The following BST1 variants were observed in gnomAD, a reference collection of about 807,000 sequenced individuals.
The protein encoded by BST1 is ADP-ribosyl cyclase/cyclic ADP-ribose hydrolase 2.
BST1 carries 49 observed loss-of-function variants against 40.6 expected under a neutral mutation model. The observed-to-expected ratio is 1.21, with a 90% CI of 0.96 to 1.53. The LOEUF (loss-of-function observed/expected upper bound fraction) is 1.53, where lower values mean the gene tolerates loss of function less well. Ranked by LOEUF, BST1 falls within the 40% of genes most tolerant of loss-of-function variation. The pLI is 0.00. For synonymous variants in BST1, 157 were observed against 159.3 expected (o/e 0.99, Z 0.11); for missense variants, 423 against 395.9 (o/e 1.07, Z -0.58).
At chr4:15,769,085 A>G in the BST1 span, among the ~76,000 whole-genome samples, 1 of 152,158 alleles carries the variant, frequency 6.6e-6, no homozygotes, top group Non-Finnish European at 1.5e-5. Context: ...AAAAAAAAAA[A>G]CAAGAATTAT....
chr4:15,713,111 G>A (rs1008217780), intron 4 of BST1, among the ~76,000 whole-genome samples: 2 of 152,108 alleles, frequency 1.3e-5, no homozygotes, highest in Non-Finnish European at 2.9e-5. Flanking sequence ...GAAGCAAGAG[G>A]AGAGGTAGTG....
At chr4:15,715,230 AT>A in intron 4 of BST1, 54 bp from the exon 5 acceptor site, 3 of 1,512,810 alleles carry the variant, frequency 2.0e-6, no homozygotes, top group Non-Finnish European at 2.8e-6. Flanking sequence ...TGCACATTTC[AT>A]AGCAGAAAAA....
chr4:15,710,598 C>G (rs1056206904), intron 3 of BST1, among the ~76,000 whole-genome samples: 1 of 152,156 alleles, frequency 6.6e-6, no homozygotes, highest in African/African-American at 2.4e-5. Flanking sequence ...ATTCCCCTCT[C>G]CAGCCTCTGG....
intron 5 of BST1, 151 bp downstream of exon 5, chr4:15,715,512 A>G (rs1204732050): frequency 4.5e-6 from 4 of 884,318 alleles, no homozygotes; most frequent in Non-Finnish European, 7.0e-6. Context: ...TGACCTGGTG[A>G]TCAGAGCCAT....
chr4:15,742,402 G>C (rs918484518), downstream of BST1, among the ~76,000 whole-genome samples: 3 of 152,172 alleles, frequency 2.0e-5, no homozygotes, highest in African/African-American at 7.2e-5. Context: ...ACTGCCATGT[G>C]ATCTCTTTGC....
Position 15,732,058 on chromosome 4 carries a change from A to C in BST1, c.*213A>C. The C allele has an allele frequency of 1.6e-6, 2 of 1,261,258 alleles. No individual in the cohort carries two copies. Among genetic ancestry groups the C allele is most frequent in the Non-Finnish European group, 1.0e-6 (1 of 1,003,530 alleles). The allele number at this position is 1,261,258 out of a possible 1,614,324, so 78.1% of individuals were successfully genotyped here. A position where few individuals can be genotyped will look rare whatever the true frequency, so the allele number is the denominator to read the frequency against. ...TTAGCAGGTTAAAAAATGCTGCATT[A>C]GAATTAAAGCAAGTTATTTTCTTAT... On this transcript the variant is annotated 3_prime_UTR_variant, in exon 9 of 9. Transcript: ENST00000265016.
At chr4:15,768,646 A>C in the BST1 span, among the ~76,000 whole-genome samples, 2 of 151,764 alleles carry the variant, frequency 1.3e-5, no homozygotes, top group Non-Finnish European at 2.9e-5. Context: ...GGCGCCCGCC[A>C]CCGCGCCCGG....
chr4:15,703,870 G>A (rs1353619106), intron 1 of BST1, among the ~76,000 whole-genome samples: 1 of 140,146 alleles, frequency 7.1e-6, no homozygotes, highest in Non-Finnish European at 1.5e-5. Context: ...GTGTGCATGT[G>A]TGTTCTAGAG....
chr4:15,754,572 A>G, the BST1 span, among the ~76,000 whole-genome samples: 1 of 152,224 alleles, frequency 6.6e-6, no homozygotes. Context: ...TAAAGAATCA[A>G]CGTCAGATGT....
the BST1 span, among the ~76,000 whole-genome samples, chr4:15,748,428 C>T: frequency 6.6e-6 from 1 of 152,152 alleles, no homozygotes. Flanking sequence ...GAGAAAGCGA[C>T]TCCTGCCAAC....
At chr4:15,751,794 TATAA>T in the BST1 span, among the ~76,000 whole-genome samples, 1 of 152,104 alleles carries the variant, frequency 6.6e-6, no homozygotes, top group Admixed American at 6.5e-5. Context: ...GTATAGTGTA[TATAA>T]ATATACACTG....
At chr4:15,741,903 G>T (rs1338372031), downstream of BST1, among the ~76,000 whole-genome samples, 2 of 152,246 alleles carry the variant, frequency 1.3e-5, no homozygotes, top group African/African-American at 4.8e-5. Flanking sequence ...CCCTGTCCCA[G>T]TTGCTGCTCT....
chr4:15,758,911 G>T, the BST1 span, among the ~76,000 whole-genome samples: 117 of 152,110 alleles, frequency 7.7e-4, 1 homozygote, highest in Non-Finnish European at 1.5e-3. Context: ...CAACCTGCAT[G>T]CTGGTGTTGT....
rs1218827607 is a variant in BST1, at chr4:15,715,804, G to A, written c.704+5G>A. 6.4e-7 allele frequency: 1 copy of A among 1,552,264 alleles called. No homozygotes were observed. Among genetic ancestry groups the A allele is most frequent in the Non-Finnish European group, 8.7e-7 (1 of 1,147,562 alleles). On this transcript the variant is annotated splice_donor_5th_base_variant and intron_variant, in intron 6 of 8. Coordinates refer to ENST00000265016, the MANE Select transcript of BST1 (RefSeq NM_004334.3). ...TGAAATTGGGGGACCCAATGTGTAA[G>A]TTATGGTGATATTGATGATGATAAT... is the stretch of plus-strand genomic sequence containing the variant.
In BST1 at chr4:15,707,874, T is replaced by C. The variant is rs200935504; in HGVS notation, c.451+228T>C. The stretch of plus-strand genomic sequence containing the variant: ...CTCTCTCTATATATATATATATATA[T>C]ACACATATATATACACATATATATA... On this transcript the variant is annotated intron_variant, in intron 3 of 8. Coordinates refer to ENST00000265016, the MANE Select transcript of BST1 (RefSeq NM_004334.3). Among the ~76,000 whole-genome samples, 488 of 142,416 alleles carry C rather than the reference T, an allele frequency of 3.4e-3. 2 individuals carry two copies. Among genetic ancestry groups the C allele is most frequent in the African/African-American group, 0.011 (433 of 38,390 alleles). 93.4% of individuals were successfully genotyped at this position (142,416 alleles called of 152,430 possible).
intron 8 of BST1, among the ~76,000 whole-genome samples, chr4:15,724,946 G>T (rs571477779): frequency 6.6e-6 from 1 of 152,092 alleles, no homozygotes; most frequent in East Asian, 1.9e-4. Flanking sequence ...ATGCTGGCTG[G>T]TATATGGGCC....
chr4:15,751,431 A>G, the BST1 span, among the ~76,000 whole-genome samples: 1 of 152,180 alleles, frequency 6.6e-6, no homozygotes, highest in Non-Finnish European at 1.5e-5. Context: ...AGGTGGTACC[A>G]TGAAAGAAGA....
the BST1 span, among the ~76,000 whole-genome samples, chr4:15,766,569 G>T: frequency 6.6e-6 from 1 of 151,784 alleles, no homozygotes; most frequent in Non-Finnish European, 1.5e-5. Context: ...GTAAATACAA[G>T]ATTCAGCCTT....
At chr4:15,707,178 G>A (rs1321761630) in intron 2 of BST1, among the ~76,000 whole-genome samples, 1 of 152,168 alleles carries the variant, frequency 6.6e-6, no homozygotes, top group Non-Finnish European at 1.5e-5. Flanking sequence ...CCTTGCTCAA[G>A]ATTACATATC....
Sources: allele counts gnomAD v4.1 joint callset (sites outside exome capture counted in the v4.1 genomes callset), GRCh38; gene constraint gnomAD v4.1.1; transcripts MANE v1.5; gene names NCBI Gene and HGNC (gene_info 2026-07-23, HGNC 2026-07-21).